GRIN3A: variants seen among roughly 807,000 people sequenced by gnomAD.
GRIN3A encodes the protein glutamate receptor ionotropic, NMDA 3A.
Under a neutral mutation model 92.4 loss-of-function variants are expected in GRIN3A, and 47 were observed. That is an observed-to-expected ratio of 0.51 (90% CI 0.40 to 0.65). The LOEUF (loss-of-function observed/expected upper bound fraction) is 0.65. Among genes scored for constraint, GRIN3A ranks in the 30% least tolerant of loss-of-function variants. The probability of loss-of-function intolerance (pLI) is 0.00; values close to 1 mark genes in which losing one functional copy is unlikely to be tolerated. For synonymous variants in GRIN3A, 527 were observed against 540.6 expected, an observed-to-expected ratio of 0.97 and a Z score of 0.35; for missense variants, 1,324 against 1,393.1, an observed-to-expected ratio of 0.95 and a Z score of 0.79.
intron 3 of GRIN3A, among the ~76,000 whole-genome samples, chr9:101,635,116 T>G (rs1274252021): frequency 6.6e-6 from 1 of 152,218 alleles, no homozygotes; most frequent in Non-Finnish European, 1.5e-5. Context: ...CCTTCTTCTT[T>G]CTGAAGCCGT....
At chr9:101,662,040 T>TTA (rs75717500) in intron 3 of GRIN3A, among the ~76,000 whole-genome samples, 20,155 of 151,818 alleles carry the variant, frequency 0.13, 1,944 homozygotes, top group African/African-American at 0.28. Flanking sequence ...TTAAGGTTAC[T>TTA]TATATATACC....
chr9:101,687,591 A>G (rs986868751), intron 1 of GRIN3A, among the ~76,000 whole-genome samples: 2 of 152,188 alleles, frequency 1.3e-5, no homozygotes, highest in African/African-American at 4.8e-5. Context: ...CGCAATAAGG[A>G]GAAGAAATTA....
intron 6 of GRIN3A, among the ~76,000 whole-genome samples, chr9:101,609,658 G>T (rs1588246650): frequency 1.3e-5 from 2 of 152,270 alleles, no homozygotes; most frequent in African/African-American, 4.8e-5. Flanking sequence ...TTCTGAGTCC[G>T]CAGAGCTGTC....
intron 6 of GRIN3A, among the ~76,000 whole-genome samples, chr9:101,598,766 C>T (rs2118823998): frequency 6.6e-6 from 1 of 152,284 alleles, no homozygotes; most frequent in East Asian, 1.9e-4. Context: ...GTAGTGGTTA[C>T]AGTATGCCAC....
chr9:101,723,363 G>A (rs554891753), intron 1 of GRIN3A, among the ~76,000 whole-genome samples: 5 of 151,958 alleles, frequency 3.3e-5, no homozygotes, highest in Admixed American at 2.0e-4. Context: ...GGAGTTGTTC[G>A]TTCCTCCCGG....
chr9:101,617,631 T>TGTG (rs1554717891), intron 5 of GRIN3A, among the ~76,000 whole-genome samples: 24 of 151,524 alleles, frequency 1.6e-4, no homozygotes, highest in African/African-American at 5.8e-4. Context: ...TTTATTTATT[T>TGTG]TGTGTGTGTG....
intron 5 of GRIN3A, among the ~76,000 whole-genome samples, chr9:101,615,846 A>T (rs1828444109): frequency 6.7e-6 from 1 of 150,144 alleles, no homozygotes; most frequent in African/African-American, 2.5e-5. Flanking sequence ...TGACCCAGGG[A>T]GGAAAAACAC....
At chr9:101,717,957 T>C (rs568158239) in intron 1 of GRIN3A, among the ~76,000 whole-genome samples, 2 of 152,304 alleles carry the variant, frequency 1.3e-5, no homozygotes, top group South Asian at 4.1e-4. Context: ...CTACATCTTA[T>C]AACATGGTAA....
chr9:101,638,700 T>C (rs1332522436), intron 3 of GRIN3A, among the ~76,000 whole-genome samples: 1 of 152,230 alleles, frequency 6.6e-6, no homozygotes, highest in Non-Finnish European at 1.5e-5. Flanking sequence ...TTAGAATAGC[T>C]AACCAACTTC....
At chr9:101,656,474 A>C (rs180781210) in intron 3 of GRIN3A, among the ~76,000 whole-genome samples, 2 of 152,030 alleles carry the variant, frequency 1.3e-5, no homozygotes, top group African/African-American at 4.8e-5. Flanking sequence ...TCACAGATTC[A>C]AGAGTGAAAG....
chr9:101,574,207 G>A (rs576041817), intron 8 of GRIN3A, among the ~76,000 whole-genome samples: 13 of 152,140 alleles, frequency 8.5e-5, no homozygotes, highest in African/African-American at 2.7e-4. Flanking sequence ...GGCTTGCATC[G>A]TATCACCTAC....
chr9:101,719,426 A>G lies in GRIN3A; in HGVS notation c.699+17855T>C, dbSNP rs920009914. Among the ~76,000 whole-genome samples the G allele has an allele frequency of 2.0e-5, 3 of 151,558 alleles. No individual in the cohort carries two copies. In the East Asian group the frequency reaches 5.8e-4, roughly 29 times the overall value. On this transcript the variant is annotated intron_variant, in intron 1 of 8. Coordinates refer to ENST00000361820, the MANE Select transcript of GRIN3A (RefSeq NM_133445.3). ...AGTGTGAGACTCCATCTTAAAAAAA[A>G]AAAAAAAAGGTGGTAAAGGATGGGT...
intron 1 of GRIN3A, among the ~76,000 whole-genome samples, chr9:101,724,748 T>C (rs1173391030): frequency 1.3e-5 from 2 of 152,372 alleles, no homozygotes; most frequent in East Asian, 1.9e-4. Flanking sequence ...TTTTCTCTAG[T>C]TGCCACCATG....
At chr9:101,696,132 T>G (rs1829681103) in intron 1 of GRIN3A, among the ~76,000 whole-genome samples, 1 of 152,194 alleles carries the variant, frequency 6.6e-6, no homozygotes, top group Non-Finnish European at 1.5e-5. Flanking sequence ...AGGACCGGAT[T>G]AGAGATCCGG....
At position 101,576,383 on chromosome 9, in the gene GRIN3A, A is replaced by C. The variant is rs576066770; in HGVS notation, c.3008+1385T>G. Among the ~76,000 whole-genome samples the C allele has an allele frequency of 1.5e-4, 23 of 152,288 alleles. No individual in the cohort carries two copies. The South Asian group carries it at 4.3e-3, about 29-fold the overall frequency. ...AGGAAATGTGAGCCCAAGCTAAACC[A>C]TGAACACCTGTTCTCCTTAGATCCT... On this transcript the variant is annotated intron_variant, in intron 8 of 8. Transcript: ENST00000361820.
At position 101,639,991 on chromosome 9, in the gene GRIN3A, G is replaced by A. The variant is rs555625279; in HGVS notation, c.2353-11590C>T. Among the ~76,000 whole-genome samples the A allele has an allele frequency of 1.7e-3, 253 of 152,284 alleles. 2 individuals are homozygous for A. The highest frequency in any genetic ancestry group is 5.7e-3 in the African/African-American group (238 of 41,560). On this transcript the variant is annotated intron_variant, in intron 3 of 8. Transcript: ENST00000361820. Reference sequence around the variant, plus strand: ...TTTGTCATGGCTAAATAGTCAATTTGTCTTTGTTCTGGAATGCTCAGAGAA... The same window carrying A: ...TTTGTCATGGCTAAATAGTCAATTTATCTTTGTTCTGGAATGCTCAGAGAA...
chr9:101,724,008 G>T (rs962432326), intron 1 of GRIN3A, among the ~76,000 whole-genome samples: 19 of 152,206 alleles, frequency 1.2e-4, no homozygotes, highest in African/African-American at 4.3e-4. Context: ...TAGACATAAA[G>T]GTTCTCCACG....
Position 101,738,098 on chromosome 9 carries a change from C to G in GRIN3A, c.-119G>C, listed in dbSNP as rs909446736. The G allele has an allele frequency of 2.0e-5, 18 of 881,406 alleles. No individual in the cohort carries two copies. The African/African-American group carries it at 2.6e-4, about 13-fold the overall frequency. 54.6% of individuals were successfully genotyped at this position (881,406 alleles called of 1,614,324 possible). A position where few individuals can be genotyped will look rare whatever the true frequency, so the allele number is the denominator to read the frequency against. On this transcript the variant is annotated 5_prime_UTR_variant, in exon 1 of 9. Coordinates refer to ENST00000361820, the MANE Select transcript of GRIN3A (RefSeq NM_133445.3). ...CGCAGCTTCACTCCACTCGGTGAAGCGGTCCCAGGAGCTGGAGCGGTCTCT... is the reference window on the plus strand; with the variant it reads ...CGCAGCTTCACTCCACTCGGTGAAGGGGTCCCAGGAGCTGGAGCGGTCTCT...
chr9:101,721,202 C>T (rs1223034510), intron 1 of GRIN3A, among the ~76,000 whole-genome samples: 2 of 152,268 alleles, frequency 1.3e-5, no homozygotes, highest in East Asian at 3.9e-4. Flanking sequence ...CCATTCTATT[C>T]TAGTGATAGT....
Sources: gnomAD v4.1 joint callset for allele counts (sites outside exome capture counted in the v4.1 genomes callset) on GRCh38, gnomAD v4.1.1 for gene constraint, MANE v1.5 for transcripts, NCBI Gene and HGNC (gene_info 2026-07-23, HGNC 2026-07-21) for gene names.